NR3C2: variants seen among roughly 807,000 people sequenced by gnomAD.
The protein encoded by NR3C2 is mineralocorticoid receptor.
A neutral mutation model predicts 86.4 loss-of-function variants in NR3C2; 15 were observed. The ratio of observed to expected loss-of-function variants is 0.17; its 90% CI spans 0.12 to 0.27. The LOEUF is 0.27. Among genes scored for constraint, NR3C2 ranks in the 10% least tolerant of loss-of-function variants. The pLI, the probability that NR3C2 is intolerant of heterozygous loss-of-function variation, is 1.00. For synonymous variants in NR3C2, 458 were observed against 450.5 expected, an observed-to-expected ratio of 1.02 and a Z score of -0.21; for missense variants, 960 against 1,195.6, an observed-to-expected ratio of 0.80 and a Z score of 2.91.
intron 2 of NR3C2, among the ~76,000 whole-genome samples, chr4:148,276,375 T>C (rs773057570): frequency 3.9e-5 from 6 of 152,218 alleles, no homozygotes; most frequent in Non-Finnish European, 7.3e-5. Context: ...CATCTTATCA[T>C]TTGCATTTTA....
intron 3 of NR3C2, among the ~76,000 whole-genome samples, chr4:148,254,855 A>G (rs1263514597): frequency 6.6e-6 from 1 of 152,218 alleles, no homozygotes; most frequent in Non-Finnish European, 1.5e-5. Flanking sequence ...TACATGATTC[A>G]TGGAAACACC....
chr4:148,245,512 T>C (rs1739274930), intron 3 of NR3C2, among the ~76,000 whole-genome samples: 1 of 152,188 alleles, frequency 6.6e-6, no homozygotes, highest in Admixed American at 6.5e-5. Context: ...TCTACAGAAA[T>C]TATACAGAAA....
intron 2 of NR3C2, among the ~76,000 whole-genome samples, chr4:148,429,705 T>TA (rs1560730911): frequency 6.6e-6 from 1 of 152,204 alleles, no homozygotes; most frequent in Non-Finnish European, 1.5e-5. Context: ...CCAGAGACCC[T>TA]AATGTTTAAA....
chr4:148,157,950 G>A (rs1734478928), intron 4 of NR3C2, among the ~76,000 whole-genome samples: 1 of 152,044 alleles, frequency 6.6e-6, no homozygotes. Context: ...ATTGGAACCA[G>A]GCTTAAAAGA....
At chr4:148,272,028 CTATT>C (rs1157620501) in intron 2 of NR3C2, among the ~76,000 whole-genome samples, 10 of 152,150 alleles carry the variant, frequency 6.6e-5, no homozygotes, top group Admixed American at 1.3e-4. Flanking sequence ...TCTTCTCCCT[CTATT>C]TATTTATTCA....
rs1402840383 is a variant in NR3C2, at chr4:148,079,783, TAAA to T, written c.*1558_*1560del. On this transcript the variant is annotated 3_prime_UTR_variant, in exon 9 of 9. Transcript: ENST00000358102. The stretch of plus-strand genomic sequence containing the variant: ...AAACTTATTTTTAAAACCTACCTTT[TAAA>T]AATCTAAAACCCCTCTATCTCCCGG... The T allele has an allele frequency of 6.6e-6, 1 of 152,564 alleles. No individual in the cohort carries two copies. Among genetic ancestry groups the T allele is most frequent in the Non-Finnish European group, 1.5e-5 (1 of 68,040 alleles). The allele number at this position is 152,564 out of a possible 1,614,324, so 9.5% of individuals were successfully genotyped here. A position where few individuals can be genotyped will look rare whatever the true frequency, so the allele number is the denominator to read the frequency against.
In NR3C2 at chr4:148,363,506, C is replaced by CTTTTTTTTTTTTTTTTTTT. The variant is rs58978966; in HGVS notation, c.1757+71597_1757+71598insAAAAAAAAAAAAAAAAAAA. Among the ~76,000 whole-genome samples, 42 of 110,748 alleles carry CTTTTTTTTTTTTTTTTTTT rather than the reference C, an allele frequency of 3.8e-4. 1 individual carries two copies. Among genetic ancestry groups the CTTTTTTTTTTTTTTTTTTT allele is most frequent in the African/African-American group, 1.3e-3 (37 of 28,848 alleles). 72.7% of individuals were successfully genotyped at this position (110,748 alleles called of 152,430 possible). ...TAAAGTCTAGACTTCTCATAGATCT[C>CTTTTTTTTTTTTTTTTTTT]TTTTTTTTTTTTTTTGAGACGGAGT... On this transcript the variant is annotated intron_variant, in intron 2 of 8. Transcript: ENST00000358102.
chr4:148,153,532 C>T (rs886882879), intron 5 of NR3C2, among the ~76,000 whole-genome samples: 7 of 152,116 alleles, frequency 4.6e-5, no homozygotes, highest in African/African-American at 1.7e-4. Context: ...TATTTTTCTG[C>T]CTGTGGAGTT....
At chr4:148,093,598 G>A (rs61763150) in intron 8 of NR3C2, among the ~76,000 whole-genome samples, 94 of 152,312 alleles carry the variant, frequency 6.2e-4, no homozygotes, top group Non-Finnish European at 1.1e-3. Flanking sequence ...TTTAGTCAGC[G>A]ATATGTTGGG....
At chr4:148,352,030 A>T (rs1298965111) in intron 2 of NR3C2, among the ~76,000 whole-genome samples, 2 of 152,222 alleles carry the variant, frequency 1.3e-5, no homozygotes, top group Non-Finnish European at 2.9e-5. Flanking sequence ...TTAAATAACC[A>T]ATGGAAATAT....
intron 2 of NR3C2, among the ~76,000 whole-genome samples, chr4:148,370,301 C>T (rs1026653827): frequency 1.3e-5 from 2 of 152,136 alleles, no homozygotes; most frequent in African/African-American, 4.8e-5. Context: ...TTTCTGTCTA[C>T]TGAATATTTA....
chr4:148,401,357 C>T (rs1748150369), intron 2 of NR3C2, among the ~76,000 whole-genome samples: 1 of 151,902 alleles, frequency 6.6e-6, no homozygotes, highest in African/African-American at 2.4e-5. Flanking sequence ...TGCTAAAACA[C>T]TATATTTCCC....
At chr4:148,266,031 TG>T (rs1470798557) in intron 2 of NR3C2, among the ~76,000 whole-genome samples, 13 of 146,724 alleles carry the variant, frequency 8.9e-5, no homozygotes, top group South Asian at 6.5e-4. Context: ...ACGGGGAGGG[TG>T]GGGGAGACAG....
chr4:148,395,753 A>G (rs1350483902), intron 2 of NR3C2, among the ~76,000 whole-genome samples: 1 of 152,248 alleles, frequency 6.6e-6, no homozygotes, highest in Non-Finnish European at 1.5e-5. Context: ...GCCCCAAAGC[A>G]GGTAGCAGTA....
chr4:148,331,978 G>A (rs1379546469), intron 2 of NR3C2, among the ~76,000 whole-genome samples: 1 of 152,104 alleles, frequency 6.6e-6, no homozygotes, highest in African/African-American at 2.4e-5. Context: ...GTTTATAAGA[G>A]TATTAAAAGG....
chr4:148,445,011 G>A (rs1282713183), upstream of NR3C2: 7 of 984,692 alleles, frequency 7.1e-6, no homozygotes, highest in Non-Finnish European at 8.4e-6. Flanking sequence ...CCCCCTCCCC[G>A]GGTCACGCCC....
intron 2 of NR3C2, among the ~76,000 whole-genome samples, chr4:148,308,755 A>G (rs1333544062): frequency 6.6e-6 from 1 of 152,108 alleles, no homozygotes; most frequent in Admixed American, 6.5e-5. Context: ...GGAGGCCAAG[A>G]TGGGCGGCTT....
chr4:148,393,677 C>T (rs1483231459), intron 2 of NR3C2, among the ~76,000 whole-genome samples: 1 of 152,152 alleles, frequency 6.6e-6, no homozygotes, highest in Non-Finnish European at 1.5e-5. Context: ...GAAATCAGGA[C>T]TCAGCTTAAG....
intron 2 of NR3C2, among the ~76,000 whole-genome samples, chr4:148,300,788 G>A (rs1161692889): frequency 6.6e-6 from 1 of 151,874 alleles, no homozygotes; most frequent in Admixed American, 6.6e-5. Flanking sequence ...GTCAGGCTGG[G>A]CTCGAACTCC....
Sources: allele counts gnomAD v4.1 joint callset (sites outside exome capture counted in the v4.1 genomes callset), GRCh38; gene constraint gnomAD v4.1.1; transcripts MANE v1.5; gene names NCBI Gene and HGNC (gene_info 2026-07-23, HGNC 2026-07-21).